Variants in GLS observed in about 807,000 individuals in gnomAD.
The protein encoded by GLS is glutaminase.
In GLS, 36 loss-of-function variants were observed where a neutral mutation model predicts 86.7. The observed-to-expected ratio is 0.42, with a 90% CI of 0.32 to 0.55. The LOEUF is 0.55. Among genes scored for constraint, GLS ranks in the 20% least tolerant of loss-of-function variants. The probability of loss-of-function intolerance (pLI) is 0.17; values close to 1 mark genes in which losing one functional copy is unlikely to be tolerated. For synonymous variants in GLS, 317 were observed against 305.9 expected, an observed-to-expected ratio of 1.04 and a Z score of -0.38; for missense variants, 528 against 833.4, an observed-to-expected ratio of 0.63 and a Z score of 4.51.
intron 17 of GLS, among the ~76,000 whole-genome samples, chr2:190,958,121 T>A (rs1430801759): frequency 1.3e-5 from 2 of 150,650 alleles, no homozygotes; most frequent in Admixed American, 6.6e-5. Context: ...GAACTTGTTA[T>A]CGGTCTATTC....
At position 190,920,591 on chromosome 2, in the gene GLS, TA is replaced by T. The variant is rs1689698108; in HGVS notation, c.1039-429del. 6.6e-6 allele frequency among the ~76,000 whole-genome samples: 1 copy of T among 151,874 alleles called. No individual in the cohort carries two copies. The highest frequency in any genetic ancestry group is 1.5e-5 in the Non-Finnish European group (1 of 67,776). On this transcript the variant is annotated intron_variant, in intron 7 of 17. Transcript: ENST00000320717. This position sits in a 1 kb window ranked among gnomAD's most constrained non-coding sequence, Gnocchi z 4.2. ...CTCTGATATTAGTTTAAGGATTTAATAAAATATAAGTAGATTGTTCTTAATT... is the reference window on the plus strand; with the variant it reads ...CTCTGATATTAGTTTAAGGATTTAATAAATATAAGTAGATTGTTCTTAATT...
In GLS at chr2:190,890,966, C is replaced by T. The variant is rs548467498; in HGVS notation, c.387-4186C>T. Among the ~76,000 whole-genome samples the T allele has an allele frequency of 2.6e-5, 4 of 151,938 alleles. No individual in the cohort carries two copies. The South Asian group carries it at 8.3e-4, about 32-fold the overall frequency. ...TTAGGTAATATGAAATGTTATTTAA[C>T]AAAATAAGACCATACAGTTGGTTTC... On this transcript the variant is annotated intron_variant, in intron 1 of 17. Transcript: ENST00000320717.
intron 1 of GLS, among the ~76,000 whole-genome samples, chr2:190,890,364 C>T (rs142255015): frequency 6.6e-6 from 1 of 151,984 alleles, no homozygotes; most frequent in Non-Finnish European, 1.5e-5. Flanking sequence ...TCTCTTTTAT[C>T]TGTACACTGG....
Position 190,963,557 on chromosome 2 carries a change from C to G in GLS, c.*571C>G, listed in dbSNP as rs1691052889. 6.6e-6 allele frequency: 1 copy of G among 152,630 alleles called. No homozygotes were observed. The highest frequency in any genetic ancestry group is 1.5e-5 in the Non-Finnish European group (1 of 68,038). 9.5% of individuals were successfully genotyped at this position (152,630 alleles called of 1,614,324 possible). On this transcript the variant is annotated 3_prime_UTR_variant, in exon 18 of 18. Coordinates refer to ENST00000320717, the MANE Select transcript of GLS (RefSeq NM_014905.5). ...GTAAGATAGACCAATTCTGATTAGA[C>G]TTTATCAGGGAATCTGTTTAAGATA...
At chr2:190,922,327 A>C (rs767622545) in intron 9 of GLS, among the ~76,000 whole-genome samples, 1 of 152,100 alleles carries the variant, frequency 6.6e-6, no homozygotes, top group Non-Finnish European at 1.5e-5. Context: ...CATGTATACT[A>C]CTATTTTATT....
chr2:190,951,857 A>C lies in GLS; in HGVS notation c.1651-1708A>C, dbSNP rs1449496846. Among the ~76,000 whole-genome samples the C allele has an allele frequency of 1.3e-5, 2 of 152,230 alleles. No homozygotes were observed. Among genetic ancestry groups the C allele is most frequent in the Non-Finnish European group, 2.9e-5 (2 of 68,034 alleles). Reference sequence around the variant, plus strand: ...AAAAGAAAGACATTAAGGACACCTGAAACAGTGGTTTATAACCCAGAAAAG... The same window carrying C: ...AAAAGAAAGACATTAAGGACACCTGCAACAGTGGTTTATAACCCAGAAAAG... On this transcript the variant is annotated intron_variant, in intron 14 of 17. Coordinates refer to ENST00000320717, the MANE Select transcript of GLS (RefSeq NM_014905.5). This position sits in a 1 kb window ranked among gnomAD's most constrained non-coding sequence, Gnocchi z 4.2.
At position 190,881,393 on chromosome 2, in the gene GLS, C is replaced by T. The variant is rs773785583; in HGVS notation, c.309C>T (p.Pro103=). ...GVSPPAAPAA[P]GPKDGPGETD... The stretch of plus-strand genomic sequence containing the variant: ...CGCCACCCGCTGCCCCGGCGGCGCC[C>T]GGCCCCAAGGACGGCCCCGGGGAGA... The change falls in exon 1 of 18, where the codon CCC becomes CCT. Residue 103 remains proline, a synonymous_variant. Transcript: ENST00000320717. 9 of 1,542,152 alleles carry T rather than the reference C, an allele frequency of 5.8e-6. No individual in the cohort carries two copies. Among genetic ancestry groups the T allele is most frequent in the Middle Eastern group, 2.1e-4 (1 of 4,734 alleles).
chr2:190,944,334 G>A (rs1212461789), intron 14 of GLS, among the ~76,000 whole-genome samples: 1 of 151,932 alleles, frequency 6.6e-6, no homozygotes, highest in East Asian at 1.9e-4. Context: ...CCAGAAATGT[G>A]GAACCTTGTC....
In GLS at chr2:190,953,950, ATGTGTG is replaced by A. The variant is rs57991546; in HGVS notation, c.1712+365_1712+370del. On this transcript the variant is annotated intron_variant, in intron 15 of 17. Transcript: ENST00000320717. The surrounding 1 kb of genome is among the most constrained non-coding windows in gnomAD (Gnocchi z 4.0). Reference sequence around the variant, plus strand: ...CTACCCTCCATTCCCAATCTTTGATATGTGTGTGTGTGTGTGTGTGTGTGTGTGTGT... The same window carrying A: ...CTACCCTCCATTCCCAATCTTTGATATGTGTGTGTGTGTGTGTGTGTGTGT... 0.28 allele frequency among the ~76,000 whole-genome samples: 38,097 copies of A among 136,558 alleles called. 5,464 individuals carry two copies. The highest frequency in any genetic ancestry group is 0.34 in the Non-Finnish European group (21,649 of 63,452). The allele number at this position is 136,558 out of a possible 152,430, so 89.6% of individuals were successfully genotyped here. A position where few individuals can be genotyped will look rare whatever the true frequency, so the allele number is the denominator to read the frequency against.
Position 190,954,494 on chromosome 2 carries a change from G to A in GLS, c.1713-90G>A, listed in dbSNP as rs1690808632. 1 of 795,266 alleles carries A rather than the reference G, an allele frequency of 1.3e-6. No homozygotes were observed. The highest frequency in any genetic ancestry group is 1.7e-5 in the South Asian group (1 of 57,464). 49.3% of individuals were successfully genotyped at this position (795,266 alleles called of 1,614,324 possible). On this transcript the variant is annotated intron_variant, in intron 15 of 17. Coordinates refer to ENST00000320717, the MANE Select transcript of GLS (RefSeq NM_014905.5). The surrounding 1 kb of genome is among the most constrained non-coding windows in gnomAD (Gnocchi z 4.0). ...GCTTGATGAAGGATGGCACCTGACAGGGCCTTAAATGAACTGATGGAGTGA... is the reference window on the plus strand; with the variant it reads ...GCTTGATGAAGGATGGCACCTGACAAGGCCTTAAATGAACTGATGGAGTGA...
At chr2:190,957,340 C>T (rs1690884645) in intron 17 of GLS, among the ~76,000 whole-genome samples, 1 of 152,212 alleles carries the variant, frequency 6.6e-6, no homozygotes, top group South Asian at 2.1e-4. Flanking sequence ...AATCTGCCTG[C>T]CTTGGCCTCC....
chr2:190,900,757 G>A (rs1688913092), intron 4 of GLS, 64 bp downstream of exon 4: 2 of 1,277,550 alleles, frequency 1.6e-6, no homozygotes, highest in African/African-American at 3.0e-5. Context: ...TTAATTTGAG[G>A]TCTAGAGAGT....
rs1351055443 is a variant in GLS, at chr2:190,964,530, C to G, written c.*1544C>G. 1 of 152,204 alleles carries G rather than the reference C, an allele frequency of 6.6e-6. No homozygotes were observed. The highest frequency in any genetic ancestry group is 2.4e-5 in the African/African-American group (1 of 41,468). The allele number at this position is 152,204 out of a possible 1,614,324, so 9.4% of individuals were successfully genotyped here. A position where few individuals can be genotyped will look rare whatever the true frequency, so the allele number is the denominator to read the frequency against. On this transcript the variant is annotated 3_prime_UTR_variant, in exon 18 of 18. Transcript: ENST00000320717. This position sits in a 1 kb window ranked among gnomAD's most constrained non-coding sequence, Gnocchi z 5.2. Reference sequence around the variant, plus strand: ...CTCCAGGTGCTTTCATTTTCACTTCCAGTCTAAGCCAGTGGCTCCTGCCAC... The same window carrying G: ...CTCCAGGTGCTTTCATTTTCACTTCGAGTCTAAGCCAGTGGCTCCTGCCAC...
Position 190,927,418 on chromosome 2 carries a change from G to A in GLS, c.1361G>A (p.Arg454Gln), listed in dbSNP as rs766747109. 1.2e-6 allele frequency: 2 copies of A among 1,613,684 alleles called. No individual in the cohort carries two copies. Among genetic ancestry groups the A allele is most frequent in the South Asian group, 1.1e-5 (1 of 91,078 alleles). Reference protein sequence around the residue: ...GERVLSPEAVRNTLSLMHSCG... With the variant: ...GERVLSPEAVQNTLSLMHSCG... ...AGAGTACTGAGCCCTGAAGCAGTTCGAAATACATTGAGTTTGATGCATTCC... is the reference window on the plus strand; with the variant it reads ...AGAGTACTGAGCCCTGAAGCAGTTCAAAATACATTGAGTTTGATGCATTCC... Residue 454 changes from arginine (R) to glutamine (Q), a missense_variant, in exon 12 of 18, where the codon CGA becomes CAA. This residue lies in a region of GLS where 163 missense variants were observed against 429.2 expected (regional missense o/e 0.38). Transcript: ENST00000320717.
chr2:190,918,693 G>C (rs1434966912), intron 7 of GLS, among the ~76,000 whole-genome samples: 1 of 152,054 alleles, frequency 6.6e-6, no homozygotes, highest in African/African-American at 2.4e-5. Context: ...GGTCTGTTTT[G>C]GCTTTCAACA....
At position 190,955,347 on chromosome 2, in the gene GLS, C is replaced by T. The variant is rs979346704; in HGVS notation, c.1853+529C>T. Among the ~76,000 whole-genome samples the T allele has an allele frequency of 2.6e-5, 4 of 152,124 alleles. No individual in the cohort carries two copies. The highest frequency in any genetic ancestry group is 9.7e-5 in the African/African-American group (4 of 41,418). On this transcript the variant is annotated intron_variant, in intron 17 of 17. Transcript: ENST00000320717. The surrounding 1 kb of genome is among the most constrained non-coding windows in gnomAD (Gnocchi z 5.6). ...CCTGTGTCCATGTGTTCTCACTGTT[C>T]CACTCCCACTTACGAGGGAGAACAT...
chr2:190,961,801 A>G (rs1691009741), intron 17 of GLS, among the ~76,000 whole-genome samples: 1 of 151,536 alleles, frequency 6.6e-6, no homozygotes, highest in African/African-American at 2.4e-5. Context: ...AGACTGTTTT[A>G]AAAACCTTTC....
At chr2:190,950,286 T>C (rs1019254733) in intron 14 of GLS, among the ~76,000 whole-genome samples, 54 of 152,068 alleles carry the variant, frequency 3.6e-4, no homozygotes, top group African/African-American at 1.3e-3. Context: ...CTGAAAGCCA[T>C]GGTAAAGAGT....
At chr2:190,891,725 T>C (rs1688569888) in intron 1 of GLS, among the ~76,000 whole-genome samples, 1 of 152,042 alleles carries the variant, frequency 6.6e-6, no homozygotes, top group Admixed American at 6.5e-5. Flanking sequence ...TTTTGGAAGG[T>C]AGTCTCCTCA....
Sources: gnomAD v4.1 joint callset for allele counts (sites outside exome capture counted in the v4.1 genomes callset) on GRCh38, gnomAD v4.1.1 for gene constraint, gnomAD v4.1.1 regional missense constraint, Gnocchi (gnomAD v3.1) non-coding constraint, MANE v1.5 for transcripts, NCBI Gene and HGNC (gene_info 2026-07-23, HGNC 2026-07-21) for gene names.